Variants in PTPRT observed in about 807,000 individuals in gnomAD.
PTPRT encodes the protein protein tyrosine phosphatase receptor type T.
PTPRT carries 56 observed loss-of-function variants against 176.8 expected under a neutral mutation model. The ratio of observed to expected loss-of-function variants is 0.32; its 90% confidence interval spans 0.26 to 0.40. PTPRT has a LOEUF of 0.40. Among genes scored for constraint, PTPRT ranks in the 10% least tolerant of loss-of-function variants. The pLI, the probability that PTPRT is intolerant of heterozygous loss-of-function variation, is 1.00. For synonymous variants in PTPRT, 783 were observed against 739.0 expected (o/e 1.06, Z -0.96); for missense variants, 1,540 against 1,908.2 (o/e 0.81, Z 3.60).
At chr20:42,953,305 A>G (rs1467678031) in intron 1 of PTPRT, among the ~76,000 whole-genome samples, 1 of 152,184 alleles carries the variant, frequency 6.6e-6, no homozygotes, top group Non-Finnish European at 1.5e-5. Context: ...AGGCCTGGCC[A>G]TCCACAGTGT....
intron 9 of PTPRT, among the ~76,000 whole-genome samples, chr20:42,386,552 A>G (rs1302114138): frequency 6.6e-6 from 1 of 152,286 alleles, no homozygotes; most frequent in African/African-American, 2.4e-5. Context: ...CATCTATGGT[A>G]TGCTTGACAT....
At chr20:43,041,987 G>A (rs903124409) in intron 1 of PTPRT, among the ~76,000 whole-genome samples, 9 of 152,162 alleles carry the variant, frequency 5.9e-5, no homozygotes, top group African/African-American at 2.2e-4. Flanking sequence ...TTGCATGCCT[G>A]AACTCAAGTT....
intron 2 of PTPRT, among the ~76,000 whole-genome samples, chr20:42,858,093 T>C (rs553632363): frequency 1.3e-5 from 2 of 152,298 alleles, no homozygotes; most frequent in Non-Finnish European, 2.9e-5. Context: ...TCCTCTTCCA[T>C]AGAGTCAATC....
chr20:42,938,829 ATTCTTCCTATGGCATTAGTAG>A (rs1294779765), intron 1 of PTPRT, among the ~76,000 whole-genome samples: 4 of 152,334 alleles, frequency 2.6e-5, no homozygotes, highest in African/African-American at 9.6e-5. Flanking sequence ...ACAAATTTTC[ATTCTTCCTATGGCATTAGTAG>A]TTTGGAATAA....
chr20:42,381,556 C>G lies in PTPRT; in HGVS notation c.1561-29271G>C, dbSNP rs117237962. ...TAAGCTTTTGATGTTTGATGTTTAA[C>G]TTTTGAGATTTGGGAATTTGTTATT... On this transcript the variant is annotated intron_variant, in intron 9 of 30. Coordinates refer to ENST00000373187, the MANE Select transcript of PTPRT (RefSeq NM_007050.6). Among the ~76,000 whole-genome samples the G allele has an allele frequency of 6.4e-4, 98 of 152,100 alleles. 1 individual carries two copies. In the East Asian group the frequency reaches 0.017, roughly 26 times the overall value.
At chr20:42,043,311 G>C in the PTPRT span, among the ~76,000 whole-genome samples, 4 of 152,286 alleles carry the variant, frequency 2.6e-5, no homozygotes, top group East Asian at 7.7e-4. Flanking sequence ...TTCCATTAAG[G>C]CAGGGACTTG....
At chr20:42,222,990 AG>A (rs1416696763) in intron 15 of PTPRT, among the ~76,000 whole-genome samples, 1 of 152,156 alleles carries the variant, frequency 6.6e-6, no homozygotes, top group Non-Finnish European at 1.5e-5. Flanking sequence ...ACTGAATTGT[AG>A]GACACCCAGC....
chr20:42,287,168 C>T (rs1169142273), intron 12 of PTPRT, among the ~76,000 whole-genome samples: 1 of 151,900 alleles, frequency 6.6e-6, no homozygotes, highest in Non-Finnish European at 1.5e-5. Flanking sequence ...CTATGGAGAA[C>T]AGTACAGAGG....
At chr20:42,060,683 T>A in the PTPRT span, among the ~76,000 whole-genome samples, 2 of 152,232 alleles carry the variant, frequency 1.3e-5, no homozygotes, top group Admixed American at 1.3e-4. Context: ...TTGTGAGGTT[T>A]CCTCAGCCAT....
intron 1 of PTPRT, among the ~76,000 whole-genome samples, chr20:43,060,600 A>G (rs1987416573): frequency 6.6e-6 from 1 of 152,252 alleles, no homozygotes; most frequent in South Asian, 2.1e-4. Flanking sequence ...CAATACAGGC[A>G]CAACAATACA....
chr20:42,706,179 TTGTGTGTGTGTGTGTG>T lies in PTPRT; in HGVS notation c.860-28036_860-28021del, dbSNP rs369232610. 4.7e-3 allele frequency among the ~76,000 whole-genome samples: 579 copies of T among 123,554 alleles called. 1 individual carries two copies. Among genetic ancestry groups the T allele is most frequent in the Middle Eastern group, 0.017 (4 of 240 alleles). 81.1% of individuals were successfully genotyped at this position (123,554 alleles called of 152,430 possible). ...TCTTTATCTCTCTCTCTCTCTCTGT[TTGTGTGTGTGTGTGTG>T]TGTGTGTGTGTGTGTGTGTGTGTAT... is the stretch of plus-strand genomic sequence containing the variant. On this transcript the variant is annotated intron_variant, in intron 6 of 30. Coordinates refer to ENST00000373187, the MANE Select transcript of PTPRT (RefSeq NM_007050.6).
chr20:43,024,529 G>C (rs999175912), intron 1 of PTPRT, among the ~76,000 whole-genome samples: 16 of 150,210 alleles, frequency 1.1e-4, no homozygotes, highest in African/African-American at 3.2e-4. Flanking sequence ...GGTGGAGGTT[G>C]CAGTGGGCCA....
At chr20:42,827,670 C>T (rs770545035) in intron 2 of PTPRT, among the ~76,000 whole-genome samples, 1 of 152,122 alleles carries the variant, frequency 6.6e-6, no homozygotes, top group Non-Finnish European at 1.5e-5. Flanking sequence ...ATGGGAGGGA[C>T]CTGGTGGGAG....
intron 9 of PTPRT, among the ~76,000 whole-genome samples, chr20:42,400,485 T>C (rs2058894165): frequency 1.3e-5 from 2 of 152,070 alleles, no homozygotes; most frequent in Admixed American, 6.6e-5. Flanking sequence ...CAAACAAAGA[T>C]ATATGCGAAA....
At chr20:42,206,392 T>G (rs906451250) in intron 15 of PTPRT, among the ~76,000 whole-genome samples, 3 of 151,904 alleles carry the variant, frequency 2.0e-5, no homozygotes, top group Non-Finnish European at 4.4e-5. Flanking sequence ...CACTAGGGAG[T>G]GCCAGACAGT....
At position 43,189,183 on chromosome 20, in the gene PTPRT, G is replaced by A. The variant is rs1415175355; in HGVS notation, c.88+463C>T. 6.6e-6 allele frequency among the ~76,000 whole-genome samples: 1 copy of A among 152,112 alleles called. No individual in the cohort carries two copies. ...CTCCGAGGAAAAAAGAAAAGCCGCC[G>A]CCCCGGCAGCCTCGGCCTGCTGGGG... On this transcript the variant is annotated intron_variant, in intron 1 of 30. Coordinates refer to ENST00000373187, the MANE Select transcript of PTPRT (RefSeq NM_007050.6). The surrounding 1 kb of genome is among the most constrained non-coding windows in gnomAD (Gnocchi z 5.0).
intron 8 of PTPRT, among the ~76,000 whole-genome samples, chr20:42,456,700 T>A (rs1199143630): frequency 6.6e-6 from 1 of 152,130 alleles, no homozygotes. Flanking sequence ...TTTTAAACTA[T>A]TTTTTTGCAT....
intron 1 of PTPRT, among the ~76,000 whole-genome samples, chr20:42,923,168 G>GA (rs149817224): frequency 0.019 from 2,881 of 152,192 alleles, 103 homozygotes; most frequent in African/African-American, 0.065. Flanking sequence ...TGCACCTGGA[G>GA]AAAAAACCTA....
chr20:43,121,804 T>C (rs959151687), intron 1 of PTPRT, among the ~76,000 whole-genome samples: 7 of 152,244 alleles, frequency 4.6e-5, no homozygotes, highest in Admixed American at 1.3e-4. Context: ...GGAATTTCCT[T>C]GAATTTTTCA....
Sources: gnomAD v4.1 joint callset for allele counts (sites outside exome capture counted in the v4.1 genomes callset) on GRCh38, gnomAD v4.1.1 for gene constraint, Gnocchi (gnomAD v3.1) non-coding constraint, MANE v1.5 for transcripts, NCBI Gene and HGNC (gene_info 2026-07-23, HGNC 2026-07-21) for gene names.